The following ACOX2 variants were observed in gnomAD, a reference collection of about 807,000 sequenced individuals.
ACOX2 encodes the protein peroxisomal acyl-coenzyme A oxidase 2.
A neutral mutation model predicts 77.5 loss-of-function variants in ACOX2; 59 were observed. The ratio of observed to expected loss-of-function variants is 0.76; its 90% confidence interval spans 0.62 to 0.95. The LOEUF is 0.95. Among genes scored for constraint, ACOX2 ranks in the 40% least tolerant of loss-of-function variants. The probability of loss-of-function intolerance (pLI) is 0.00; values close to 1 mark genes in which losing one functional copy is unlikely to be tolerated. For synonymous variants in ACOX2, 317 were observed against 340.1 expected, an observed-to-expected ratio of 0.93 and a Z score of 0.75; for missense variants, 837 against 880.4, an observed-to-expected ratio of 0.95 and a Z score of 0.62.
intron 13 of ACOX2, 116 bp downstream of exon 13, chr3:58,517,090 T>C: frequency 1.9e-6 from 2 of 1,060,602 alleles, no homozygotes; most frequent in South Asian, 2.9e-5. Flanking sequence ...TGTAGACCTC[T>C]CCAGGGCTGT....
intron 13 of ACOX2, 138 bp from the exon 14 acceptor site, chr3:58,509,163 T>C (rs1347133296): frequency 1.9e-6 from 2 of 1,035,296 alleles, no homozygotes; most frequent in Non-Finnish European, 2.8e-6. Flanking sequence ...TTTTTTTTAG[T>C]TTTTATTTTT....
chr3:58,527,710 C>T (rs113523020), intron 9 of ACOX2, among the ~76,000 whole-genome samples: 4,630 of 152,094 alleles, frequency 0.03, 100 homozygotes, highest in Middle Eastern at 0.085. Context: ...TTTGAGACAG[C>T]GTCTCACTCT....
Position 58,528,421 on chromosome 3 carries a change from A to G in ACOX2, c.1155+373T>C, listed in dbSNP as rs557933892. Among the ~76,000 whole-genome samples, 95 of 152,328 alleles carry G rather than the reference A, an allele frequency of 6.2e-4. No homozygotes were observed. The highest frequency in any genetic ancestry group is 2.2e-3 in the African/African-American group (92 of 41,586). ...AGTGATTAAACACATTAATAATTTT[A>G]CTGCAAAATGTATTCACACTCAGAG... On this transcript the variant is annotated intron_variant, in intron 9 of 14. Coordinates refer to ENST00000302819, the MANE Select transcript of ACOX2 (RefSeq NM_003500.4). This position sits in a 1 kb window ranked among gnomAD's most constrained non-coding sequence, Gnocchi z 5.6.
At position 58,533,714 on chromosome 3, in the gene ACOX2, G is replaced by C; in HGVS notation, c.476-162C>G. 5.7e-6 allele frequency: 4 copies of C among 704,150 alleles called. No homozygotes were observed. Among genetic ancestry groups the C allele is most frequent in the Non-Finnish European group, 9.6e-6 (4 of 418,348 alleles). 43.6% of individuals were successfully genotyped at this position (704,150 alleles called of 1,614,324 possible). The stretch of plus-strand genomic sequence containing the variant: ...AGTTCTCCCCTTTCATCTGTGGGCT[G>C]TGTGTGGGACACACAGTCCCCTATA... On this transcript the variant is annotated intron_variant, in intron 4 of 14. Coordinates refer to ENST00000302819, the MANE Select transcript of ACOX2 (RefSeq NM_003500.4). The surrounding 1 kb of genome is among the most constrained non-coding windows in gnomAD (Gnocchi z 5.6).
chr3:58,530,597 C>T lies in ACOX2; in HGVS notation c.861G>A (p.Gln287=). 1 of 1,614,224 alleles carries T rather than the reference C, an allele frequency of 6.2e-7. No individual in the cohort carries two copies. The highest frequency in any genetic ancestry group is 1.7e-4 in the Middle Eastern group (1 of 6,060). The change falls in exon 8 of 15, where the codon CAG becomes CAA. Residue 287 remains glutamine, a synonymous_variant. Transcript: ENST00000302819. ...CCACCACCATGGGAAGGTAGTTGCT[C>T]TGTGCTGTACCGAGTTTGACGTAGG... ...DGTYVKLGTA[Q]SNYLPMVVVR...
chr3:58,530,774 A>G lies in ACOX2; in HGVS notation c.820-136T>C, dbSNP rs1053063863. ...GCGCATCTGGAGTTGGAGTGTTAAA[A>G]TACCAGGCCATTTCCCCAAGTGCCC... On this transcript the variant is annotated intron_variant, in intron 7 of 14. Transcript: ENST00000302819. 1.2e-4 allele frequency: 137 copies of G among 1,148,766 alleles called. 2 individuals are homozygous for G. Among genetic ancestry groups the G allele is most frequent in the Middle Eastern group, 2.3e-4 (1 of 4,384 alleles). 71.2% of individuals were successfully genotyped at this position (1,148,766 alleles called of 1,614,324 possible). A position where few individuals can be genotyped will look rare whatever the true frequency, so the allele number is the denominator to read the frequency against.
intron 14 of ACOX2, among the ~76,000 whole-genome samples, chr3:58,508,175 G>C (rs1236760221): frequency 1.3e-5 from 2 of 152,130 alleles, no homozygotes; most frequent in African/African-American, 4.8e-5. Flanking sequence ...TTCCCAAAGA[G>C]GCTCATAAGC....
In ACOX2 at chr3:58,524,640, G is replaced by C. The variant is rs759711554; in HGVS notation, c.1347-35C>G. 1 of 1,592,220 alleles carries C rather than the reference G, an allele frequency of 6.3e-7. No individual in the cohort carries two copies. The highest frequency in any genetic ancestry group is 8.6e-7 in the Non-Finnish European group (1 of 1,164,954). On this transcript the variant is annotated intron_variant, in intron 10 of 14. Coordinates refer to ENST00000302819, the MANE Select transcript of ACOX2 (RefSeq NM_003500.4). The surrounding 1 kb of genome is among the most constrained non-coding windows in gnomAD (Gnocchi z 5.5). Reference sequence around the variant, plus strand: ...GGAAGAGGAGGCAGGTGAGAGGGCAGAGACTCTGTGAGACAGCCCAGCACC... The same window carrying C: ...GGAAGAGGAGGCAGGTGAGAGGGCACAGACTCTGTGAGACAGCCCAGCACC...
chr3:58,528,832 T>C lies in ACOX2; in HGVS notation c.1117A>G (p.Thr373Ala), dbSNP rs761327272. 16 of 1,613,400 alleles carry C rather than the reference T, an allele frequency of 9.9e-6. No homozygotes were observed. Among genetic ancestry groups the C allele is most frequent in the Non-Finnish European group, 1.4e-5 (16 of 1,179,694 alleles). ...SLLEFFQHSY[T>A]AILNQDFSFL... ...CTGAAGTCTTGGTTCAGAATGGCAG[T>C]GTAGGAGTGCTGGAAGAACTCCAAG... The change falls in exon 9 of 15, where the codon ACT (threonine) becomes GCT (alanine). Residue 373 changes from threonine to alanine, a missense_variant. By Grantham distance (58) the Thr-to-Ala change is moderately conservative. Coordinates refer to ENST00000302819, the MANE Select transcript of ACOX2 (RefSeq NM_003500.4). This position sits in a 1 kb window ranked among gnomAD's most constrained non-coding sequence, Gnocchi z 5.6.
intron 13 of ACOX2, among the ~76,000 whole-genome samples, chr3:58,510,277 C>G (rs1251503289): frequency 6.6e-6 from 1 of 152,034 alleles, no homozygotes; most frequent in Non-Finnish European, 1.5e-5. Flanking sequence ...CCCCCTGCCC[C>G]CTTGTGGTCT....
intron 12 of ACOX2, among the ~76,000 whole-genome samples, chr3:58,518,096 AAAAAGAAAAG>A (rs1560213408): frequency 1.3e-5 from 2 of 151,144 alleles, no homozygotes; most frequent in African/African-American, 4.9e-5. Flanking sequence ...AAAAAAAAAA[AAAAAGAAAAG>A]AAAAGAAAAT....
chr3:58,506,745 T>C (rs954426670), intron 14 of ACOX2, among the ~76,000 whole-genome samples: 2 of 152,198 alleles, frequency 1.3e-5, no homozygotes, highest in African/African-American at 2.4e-5. Flanking sequence ...TGAGCCGCGG[T>C]TGTGCCACTG....
In ACOX2 at chr3:58,533,623, G is replaced by C; in HGVS notation, c.476-71C>G. The stretch of plus-strand genomic sequence containing the variant: ...CTTACCTGTGAAGCTGCTTCTAGGT[G>C]GGTCTGAACTCTTAGGCATCAGCGC... On this transcript the variant is annotated intron_variant, in intron 4 of 14. Transcript: ENST00000302819. The surrounding 1 kb of genome is among the most constrained non-coding windows in gnomAD (Gnocchi z 5.6). 7.0e-7 allele frequency: 1 copy of C among 1,429,432 alleles called. No individual in the cohort carries two copies. Among genetic ancestry groups the C allele is most frequent in the Non-Finnish European group, 9.8e-7 (1 of 1,015,480 alleles). The allele number at this position is 1,429,432 out of a possible 1,614,324, so 88.5% of individuals were successfully genotyped here. A position where few individuals can be genotyped will look rare whatever the true frequency, so the allele number is the denominator to read the frequency against.
Position 58,524,415 on chromosome 3 carries a change from C to T in ACOX2, c.1526+11G>A, listed in dbSNP as rs767676673. Reference sequence around the variant, plus strand: ...CCAGGTGGGATGGCTGATTTCTCAGCACTGGCTTACCTTACTGCCACATGT... The same window carrying T: ...CCAGGTGGGATGGCTGATTTCTCAGTACTGGCTTACCTTACTGCCACATGT... On this transcript the variant is annotated intron_variant, in intron 11 of 14. Transcript: ENST00000302819. The surrounding 1 kb of genome is among the most constrained non-coding windows in gnomAD (Gnocchi z 5.5). 13 of 1,607,458 alleles carry T rather than the reference C, an allele frequency of 8.1e-6. No homozygotes were observed. In the African/African-American group the frequency reaches 1.5e-4, roughly 18 times the overall value.
chr3:58,515,139 G>C lies in ACOX2; in HGVS notation c.1850+2067C>G, dbSNP rs1313455004. Among the ~76,000 whole-genome samples, 1 of 152,062 alleles carries C rather than the reference G, an allele frequency of 6.6e-6. No individual in the cohort carries two copies. The highest frequency in any genetic ancestry group is 1.5e-5 in the Non-Finnish European group (1 of 68,020). Reference sequence around the variant, plus strand: ...CCCGGGTTCAAGCGATTCTGCCTCAGCCTCCCAAGTAACTGGGATTACAGG... The same window carrying C: ...CCCGGGTTCAAGCGATTCTGCCTCACCCTCCCAAGTAACTGGGATTACAGG... On this transcript the variant is annotated intron_variant, in intron 13 of 14. Coordinates refer to ENST00000302819, the MANE Select transcript of ACOX2 (RefSeq NM_003500.4). The surrounding 1 kb of genome is among the most constrained non-coding windows in gnomAD (Gnocchi z 4.0).
rs764858305 is a variant in ACOX2, at chr3:58,531,757, G to A, written c.639C>T (p.Ala213=). Residue 213 remains alanine (A), a synonymous_variant, in exon 6 of 15, where the codon GCC becomes GCT. Coordinates refer to ENST00000302819, the MANE Select transcript of ACOX2 (RefSeq NM_003500.4). This position sits in a 1 kb window ranked among gnomAD's most constrained non-coding sequence, Gnocchi z 5.8. ...CAATAAAAGCGTGCATGCCCCGCCT[G>A]GCTCCTGAGCAGATCAGCTGGGCCT... The part of the protein sequence containing the change: ...LVQAQLICSG[A]RRGMHAFIVP... The A allele has an allele frequency of 8.7e-6, 14 of 1,614,110 alleles. No individual in the cohort carries two copies. Among genetic ancestry groups the A allele is most frequent in the African/African-American group, 1.3e-5 (1 of 74,946 alleles).
At chr3:58,527,124 T>C (rs1316696184) in intron 9 of ACOX2, among the ~76,000 whole-genome samples, 1 of 151,794 alleles carries the variant, frequency 6.6e-6, no homozygotes, top group Non-Finnish European at 1.5e-5. Context: ...GATTAGGAGG[T>C]ATTGATGATT....
In ACOX2 at chr3:58,526,237, A is replaced by T. The variant is rs528112580; in HGVS notation, c.1346+229T>A. On this transcript the variant is annotated intron_variant, in intron 10 of 14. Transcript: ENST00000302819. The surrounding 1 kb of genome is among the most constrained non-coding windows in gnomAD (Gnocchi z 4.3). ...CTCCGGCTGCCTGTGGAGAAGCAGGACAGGATAGAAGCAAGAGACCAGGGA... is the reference window on the plus strand; with the variant it reads ...CTCCGGCTGCCTGTGGAGAAGCAGGTCAGGATAGAAGCAAGAGACCAGGGA... Among the ~76,000 whole-genome samples, 38 of 152,194 alleles carry T rather than the reference A, an allele frequency of 2.5e-4. No individual in the cohort carries two copies. Among genetic ancestry groups the T allele is most frequent in the Admixed American group, 1.1e-3 (17 of 15,284 alleles).
In ACOX2 at chr3:58,525,685, A is replaced by G. The variant is rs560839859; in HGVS notation, c.1346+781T>C. ...GCCATGTTGGGTGGGAGGGGATCAA[A>G]TGCAAAGGCCTCCTGGACAGAAAGA... On this transcript the variant is annotated intron_variant, in intron 10 of 14. Transcript: ENST00000302819. This position sits in a 1 kb window ranked among gnomAD's most constrained non-coding sequence, Gnocchi z 5.0. 1.2e-4 allele frequency among the ~76,000 whole-genome samples: 18 copies of G among 152,342 alleles called. No homozygotes were observed. Among genetic ancestry groups the G allele is most frequent in the African/African-American group, 4.3e-4 (18 of 41,576 alleles).
Sources: gnomAD v4.1 joint callset for allele counts (sites outside exome capture counted in the v4.1 genomes callset) on GRCh38, gnomAD v4.1.1 for gene constraint, Gnocchi (gnomAD v3.1) non-coding constraint, MANE v1.5 for transcripts, NCBI Gene and HGNC (gene_info 2026-07-23, HGNC 2026-07-21) for gene names.